ERICH6: variants seen among roughly 807,000 people sequenced by gnomAD.
The protein encoded by ERICH6 is glutamate rich 6.
In ERICH6, 71 loss-of-function variants were observed where a neutral mutation model predicts 71.0. That is an observed-to-expected ratio of 1.00 (90% CI 0.83 to 1.22). The LOEUF (loss-of-function observed/expected upper bound fraction) is 1.22, where lower values mean the gene tolerates loss of function less well. Among genes scored for constraint, ERICH6 ranks in the 50% most tolerant of loss-of-function variants. The probability of loss-of-function intolerance (pLI) is 0.00; values close to 1 mark genes in which losing one functional copy is unlikely to be tolerated. For synonymous variants in ERICH6, 262 were observed against 278.4 expected, an observed-to-expected ratio of 0.94 and a Z score of 0.59; for missense variants, 808 against 797.2, an observed-to-expected ratio of 1.01 and a Z score of -0.16.
At chr3:150,688,746 C>T (rs975449546) in intron 3 of ERICH6, among the ~76,000 whole-genome samples, 1 of 152,232 alleles carries the variant, frequency 6.6e-6, no homozygotes. Context: ...TGGGAGCCCC[C>T]TCCCGGCTTT....
chr3:150,698,159 T>C (rs1019426716), intron 3 of ERICH6, among the ~76,000 whole-genome samples: 16 of 152,228 alleles, frequency 1.1e-4, no homozygotes, highest in African/African-American at 3.4e-4. Flanking sequence ...ATGTTTTATA[T>C]ATTAACTGAT....
At chr3:150,691,695 T>G (rs1712440567) in intron 3 of ERICH6, among the ~76,000 whole-genome samples, 1 of 151,816 alleles carries the variant, frequency 6.6e-6, no homozygotes, top group Admixed American at 6.6e-5. Flanking sequence ...AGTTTTGGTT[T>G]GCTTAGGAAA....
In ERICH6 at chr3:150,665,425, G is replaced by C. The variant is rs1727371342; in HGVS notation, c.1728+1362C>G. The stretch of plus-strand genomic sequence containing the variant: ...CCAGCTATTTGGGAGGCTGAGACAG[G>C]AGAATCGCTTGAACCCGGGAGGCGG... On this transcript the variant is annotated intron_variant, in intron 13 of 13. Coordinates refer to ENST00000295910, the MANE Select transcript of ERICH6 (RefSeq NM_152394.5). 2.0e-5 allele frequency among the ~76,000 whole-genome samples: 3 copies of C among 148,572 alleles called. No individual in the cohort carries two copies. In the South Asian group the frequency reaches 6.4e-4, roughly 31 times the overall value.
chr3:150,687,233 A>G (rs1177639034), intron 3 of ERICH6, among the ~76,000 whole-genome samples: 3 of 152,242 alleles, frequency 2.0e-5, no homozygotes, highest in African/African-American at 7.2e-5. Context: ...CCAACGACAA[A>G]GAGATAATTC....
In ERICH6 at chr3:150,680,485, G is replaced by C. The variant is rs750568655; in HGVS notation, c.1094C>G (p.Thr365Ser). 2 of 1,614,194 alleles carry C rather than the reference G, an allele frequency of 1.2e-6. No individual in the cohort carries two copies. The highest frequency in any genetic ancestry group is 2.2e-5 in the South Asian group (2 of 91,084). Residue 365 changes from threonine (T) to serine (S), a missense_variant, in exon 9 of 14, where the codon ACT (threonine) becomes AGT (serine). This residue lies in a region of ERICH6 where 736 missense variants were observed against 712.2 expected (regional missense o/e 1.03). Coordinates refer to ENST00000295910, the MANE Select transcript of ERICH6 (RefSeq NM_152394.5). ...RHFAIISREQ[T>S]HFSEDDSKRL... ...GAACTCACCATCTTCAGAGAAATGA[G>C]TCTGTTCCCTTGATATTATTGCAAA...
intron 12 of ERICH6, 52 bp downstream of exon 12, chr3:150,669,244 T>C (rs1314061470): frequency 1.9e-5 from 29 of 1,527,134 alleles, no homozygotes; most frequent in South Asian, 9.2e-5. Flanking sequence ...AAAAACAAAA[T>C]TTCCCAGAAC....
Position 150,698,289 on chromosome 3 carries a change from T to C in ERICH6, c.553+502A>G, listed in dbSNP as rs147848858. Reference sequence around the variant, plus strand: ...TTATAGGCTAGACCTATGATAGGTGTTTGGCAAATGTTAGGTGCTTGGCAA... The same window carrying C: ...TTATAGGCTAGACCTATGATAGGTGCTTGGCAAATGTTAGGTGCTTGGCAA... On this transcript the variant is annotated intron_variant, in intron 3 of 13. Transcript: ENST00000295910. Among the ~76,000 whole-genome samples, 537 of 152,290 alleles carry C rather than the reference T, an allele frequency of 3.5e-3. 1 individual carries two copies. Among genetic ancestry groups the C allele is most frequent in the African/African-American group, 0.012 (511 of 41,558 alleles).
At chr3:150,664,459 G>C (rs1727331545) in intron 13 of ERICH6, among the ~76,000 whole-genome samples, 1 of 152,016 alleles carries the variant, frequency 6.6e-6, no homozygotes, top group Non-Finnish European at 1.5e-5. Flanking sequence ...CACCAGCCTG[G>C]CCAACATGGT....
chr3:150,681,053 T>C (rs1439591006), intron 7 of ERICH6, 123 bp from the exon 8 acceptor site: 2 of 977,440 alleles, frequency 2.0e-6, no homozygotes, highest in East Asian at 5.2e-5. Flanking sequence ...GTAATAGCTT[T>C]ATTAAGATAT....
At chr3:150,693,750 T>G (rs1186067431) in intron 3 of ERICH6, among the ~76,000 whole-genome samples, 1 of 152,216 alleles carries the variant, frequency 6.6e-6, no homozygotes, top group Non-Finnish European at 1.5e-5. Context: ...TCAAAACCTA[T>G]AGTATACTTG....
In ERICH6 at chr3:150,669,402, C is replaced by T. The variant is rs780791444; in HGVS notation, c.1393G>A (p.Gly465Ser). Residue 465 changes from glycine to serine, a missense_variant, in exon 12 of 14, where the codon GGT (glycine) becomes AGT (serine). By Grantham distance (56) the Gly-to-Ser change is moderately conservative (BLOSUM62 0). This residue lies in a region of ERICH6 where 736 missense variants were observed against 712.2 expected (regional missense o/e 1.03). Coordinates refer to ENST00000295910, the MANE Select transcript of ERICH6 (RefSeq NM_152394.5). Reference sequence around the variant, plus strand: ...TCTTCTTGGACTATACAAGTAAAACCATTTACCTTGTTGGGCACTCGAATG... The same window carrying T: ...TCTTCTTGGACTATACAAGTAAAACTATTTACCTTGTTGGGCACTCGAATG... ...AIIRVPNKVN[G>S]FTCIVQEDMP... 1.7e-5 allele frequency: 28 copies of T among 1,613,620 alleles called. No individual in the cohort carries two copies. The highest frequency in any genetic ancestry group is 2.4e-5 in the Non-Finnish European group (28 of 1,179,830).
At chr3:150,697,187 G>A (rs1329294895) in intron 3 of ERICH6, among the ~76,000 whole-genome samples, 1 of 152,014 alleles carries the variant, frequency 6.6e-6, no homozygotes, top group Non-Finnish European at 1.5e-5. Context: ...GCAAACAAAA[G>A]GGGCCACACT....
At chr3:150,694,518 A>C (rs1386186176) in intron 3 of ERICH6, among the ~76,000 whole-genome samples, 1 of 152,206 alleles carries the variant, frequency 6.6e-6, no homozygotes, top group Non-Finnish European at 1.5e-5. Context: ...ACTGAGGGCC[A>C]GATGAATACA....
At chr3:150,669,161 A>G in intron 12 of ERICH6, 135 bp downstream of exon 12, 1 of 928,568 alleles carries the variant, frequency 1.1e-6, no homozygotes, top group Non-Finnish European at 1.5e-6. Flanking sequence ...AATGTCTCTG[A>G]GTTGAACATT....
chr3:150,662,632 T>C (rs1341554898), intron 13 of ERICH6, among the ~76,000 whole-genome samples: 1 of 152,208 alleles, frequency 6.6e-6, no homozygotes, highest in African/African-American at 2.4e-5. Flanking sequence ...AATCTTTCTA[T>C]CTATTTGAAA....
chr3:150,703,534 G>A lies in ERICH6; in HGVS notation c.365C>T (p.Pro122Leu), dbSNP rs1713022302. The A allele has an allele frequency of 3.1e-6, 5 of 1,610,460 alleles. No individual in the cohort carries two copies. The highest frequency in any genetic ancestry group is 4.2e-6 in the Non-Finnish European group (5 of 1,178,242). Residue 122 changes from proline to leucine, a missense_variant, in exon 1 of 14, where the codon CCG (proline) becomes CTG (leucine). By Grantham distance (98) the Pro-to-Leu change is moderately conservative (BLOSUM62 -3). Coordinates refer to ENST00000295910, the MANE Select transcript of ERICH6 (RefSeq NM_152394.5). ...GGTGCTGGAGGGTGGGCTTGCGCTCGGCGTTTCAGTGCTGGTCGCGCTCTG... is the reference window on the plus strand; with the variant it reads ...GGTGCTGGAGGGTGGGCTTGCGCTCAGCGTTTCAGTGCTGGTCGCGCTCTG... ...PSQSATSTETPSASPPSSTSS... is the reference protein window; with the variant it reads ...PSQSATSTETLSASPPSSTSS...
chr3:150,673,436 G>T (rs1711537070), intron 11 of ERICH6, among the ~76,000 whole-genome samples: 1 of 151,988 alleles, frequency 6.6e-6, no homozygotes, highest in African/African-American at 2.4e-5. Context: ...TAATCCTCCT[G>T]CCTCAGCCTC....
At chr3:150,683,275 A>C (rs73004840) in intron 6 of ERICH6, among the ~76,000 whole-genome samples, 51,698 of 152,118 alleles carry the variant, frequency 0.34, 8,949 homozygotes, top group East Asian at 0.45. Context: ...ATGCTTGGAG[A>C]GTGAAGTCTC....
chr3:150,691,194 C>A (rs899346215), intron 3 of ERICH6, among the ~76,000 whole-genome samples: 6 of 151,952 alleles, frequency 3.9e-5, no homozygotes, highest in African/African-American at 1.2e-4. Context: ...TCCAGGTAAA[C>A]AATTAAAATA....
Sources: allele counts gnomAD v4.1 joint callset (sites outside exome capture counted in the v4.1 genomes callset), GRCh38; gene constraint gnomAD v4.1.1; regional missense constraint gnomAD v4.1.1; transcripts MANE v1.5; gene names NCBI Gene and HGNC (gene_info 2026-07-23, HGNC 2026-07-21).